RBFOX1: variants seen among roughly 807,000 people sequenced by gnomAD.
RBFOX1 encodes the protein RNA binding fox-1 homolog 1, also known as RNA binding protein fox-1 homolog 1.
RBFOX1 carries 8 observed loss-of-function variants against 57.7 expected under a neutral mutation model. That is an observed-to-expected ratio of 0.14 (90% CI 0.08 to 0.25). RBFOX1 has a LOEUF of 0.25. Ranked by LOEUF, RBFOX1 falls within the 10% of genes least tolerant of loss-of-function variation. The probability of loss-of-function intolerance (pLI) is 1.00; values close to 1 mark genes in which losing one functional copy is unlikely to be tolerated. For synonymous variants in RBFOX1, 326 were observed against 222.4 expected, an observed-to-expected ratio of 1.47 and a Z score of -4.15; for missense variants, 611 against 548.5, an observed-to-expected ratio of 1.11 and a Z score of -1.14.
chr16:5,595,307 T>C (rs28701028), intron 2 of RBFOX1, among the ~76,000 whole-genome samples: 16,920 of 152,210 alleles, frequency 0.11, 1,172 homozygotes, highest in East Asian at 0.32. Flanking sequence ...ATGGCCCATC[T>C]GGGATCTCTG....
intron 1 of RBFOX1, among the ~76,000 whole-genome samples, chr16:5,411,960 A>G (rs2067033213): frequency 6.6e-6 from 1 of 152,302 alleles, no homozygotes; most frequent in East Asian, 1.9e-4. Context: ...TAAACTCAAC[A>G]GATCTCACTG....
intron 4 of RBFOX1, among the ~76,000 whole-genome samples, chr16:7,243,761 A>G (rs563709944): frequency 9.1e-4 from 139 of 151,962 alleles, no homozygotes; most frequent in Middle Eastern, 3.4e-3. Context: ...TGCTTCCCAG[A>G]CTGGTCTTGA....
chr16:7,394,862 G>T (rs967953192), intron 4 of RBFOX1, among the ~76,000 whole-genome samples: 3 of 152,010 alleles, frequency 2.0e-5, no homozygotes, highest in Non-Finnish European at 4.4e-5. Context: ...CTACTTCCAC[G>T]ATCCTCTCTT....
chr16:6,274,622 T>G (rs186527000), intron 1 of RBFOX1, among the ~76,000 whole-genome samples: 86 of 152,258 alleles, frequency 5.6e-4, no homozygotes, highest in African/African-American at 1.9e-3. Context: ...TTGACTGTAT[T>G]AGCGCTATCA....
At chr16:7,659,201 G>A (rs17144509) in intron 12 of RBFOX1, among the ~76,000 whole-genome samples, 15,704 of 152,178 alleles carry the variant, frequency 0.1, 1,003 homozygotes, top group South Asian at 0.2. Context: ...ATATTATTTG[G>A]GGTATAGGAA....
At chr16:6,915,582 GCT>G (rs2072945012) in intron 3 of RBFOX1, among the ~76,000 whole-genome samples, 2 of 121,284 alleles carry the variant, frequency 1.6e-5, no homozygotes, top group Non-Finnish European at 3.2e-5. Context: ...ACAGTGTCTT[GCT>G]CTGTCACCCA....
chr16:6,483,311 C>T, intron 2 of RBFOX1: 2 of 1,415,098 alleles, frequency 1.4e-6, no homozygotes, highest in South Asian at 1.5e-5. Context: ...CGCGCCCGCG[C>T]GCTCGGGGCG....
intron 3 of RBFOX1, among the ~76,000 whole-genome samples, chr16:6,789,194 G>A (rs887679215): frequency 6.6e-6 from 1 of 152,090 alleles, no homozygotes; most frequent in Non-Finnish European, 1.5e-5. Context: ...AAGGTTTAAA[G>A]ACTGTAAGTC....
chr16:6,982,975 C>T (rs1488053165), intron 3 of RBFOX1, among the ~76,000 whole-genome samples: 1 of 101,856 alleles, frequency 9.8e-6, no homozygotes, highest in South Asian at 3.1e-4. Context: ...GCCTGGGTGA[C>T]AAGAGTGAGA....
intron 3 of RBFOX1, among the ~76,000 whole-genome samples, chr16:6,968,607 C>T (rs1038527825): frequency 6.6e-6 from 1 of 151,372 alleles, no homozygotes; most frequent in Non-Finnish European, 1.5e-5. Flanking sequence ...TTCCTCCCAT[C>T]CTGTCAGTTT....
intron 4 of RBFOX1, among the ~76,000 whole-genome samples, chr16:7,355,653 T>G (rs991272052): frequency 5.3e-5 from 8 of 152,220 alleles, no homozygotes; most frequent in Admixed American, 5.2e-4. Flanking sequence ...CATTCTATAT[T>G]GTGACGGCAC....
intron 4 of RBFOX1, among the ~76,000 whole-genome samples, chr16:7,318,785 C>A (rs2096491282): frequency 6.6e-6 from 1 of 152,106 alleles, no homozygotes; most frequent in Non-Finnish European, 1.5e-5. Flanking sequence ...GCCAGACCCA[C>A]CCCCCATCTC....
chr16:6,240,291 C>T (rs2097533433), intron 1 of RBFOX1, among the ~76,000 whole-genome samples: 2 of 152,086 alleles, frequency 1.3e-5, no homozygotes, highest in Non-Finnish European at 2.9e-5. Flanking sequence ...GCAAGAGTGG[C>T]CTAACACGGT....
intron 4 of RBFOX1, among the ~76,000 whole-genome samples, chr16:7,120,013 A>G (rs1015072739): frequency 4.0e-5 from 6 of 149,258 alleles, no homozygotes; most frequent in South Asian, 4.3e-4. Context: ...CTCTGACAAA[A>G]TTGAGTTAAG....
intron 1 of RBFOX1, among the ~76,000 whole-genome samples, chr16:6,171,827 T>G (rs1021866717): frequency 6.6e-6 from 1 of 151,992 alleles, no homozygotes; most frequent in Non-Finnish European, 1.5e-5. Context: ...TTTATTTATT[T>G]ATTTATTCTT....
At chr16:6,713,792 C>A (rs887862) in intron 3 of RBFOX1, among the ~76,000 whole-genome samples, 114,705 of 152,010 alleles carry the variant, frequency 0.75, 43,719 homozygotes, top group Middle Eastern at 0.9. Flanking sequence ...AGTTTTGACA[C>A]CACCTTCTGG....
At chr16:7,450,034 C>G (rs1386351954) in intron 4 of RBFOX1, among the ~76,000 whole-genome samples, 1 of 152,068 alleles carries the variant, frequency 6.6e-6, no homozygotes, top group Non-Finnish European at 1.5e-5. Flanking sequence ...GGCAGCTTTT[C>G]TGGGTGTGGA....
chr16:7,000,837 T>C (rs142363716), intron 3 of RBFOX1, among the ~76,000 whole-genome samples: 175 of 152,120 alleles, frequency 1.2e-3, no homozygotes, highest in African/African-American at 4.1e-3. Flanking sequence ...CTCCTGACCT[T>C]GTGATCCGCC....
chr16:7,117,041 G>A (rs2066057968), intron 4 of RBFOX1, among the ~76,000 whole-genome samples: 2 of 152,078 alleles, frequency 1.3e-5, no homozygotes, highest in Admixed American at 1.3e-4. Context: ...GACAAGAGGG[G>A]ACAGTTTTGT....
Sources: allele counts gnomAD v4.1 joint callset (sites outside exome capture counted in the v4.1 genomes callset), GRCh38; gene constraint gnomAD v4.1.1; transcripts MANE v1.5; gene names NCBI Gene and HGNC (gene_info 2026-07-23, HGNC 2026-07-21).